The following F13A1 variants were observed in gnomAD, a reference collection of about 807,000 sequenced individuals.
F13A1 encodes coagulation factor XIII A chain.
F13A1 carries 47 observed loss-of-function variants against 80.1 expected under a neutral mutation model. The observed-to-expected ratio is 0.59, with a 90% CI of 0.46 to 0.75. F13A1 has a LOEUF of 0.75. Among genes scored for constraint, F13A1 ranks in the 30% least tolerant of loss-of-function variants. F13A1 has a pLI of 0.00. For synonymous variants in F13A1, 349 were observed against 344.9 expected (o/e 1.01, Z -0.13); for missense variants, 817 against 930.4 (o/e 0.88, Z 1.59).
rs3024327 is a variant in F13A1, at chr6:6,317,640, G to C, written c.130+895C>G. On this transcript the variant is annotated intron_variant, in intron 2 of 14. Transcript: ENST00000264870. The stretch of plus-strand genomic sequence containing the variant: ...GCATCAATCTGGGCTTTCAGGCATT[G>C]GTCTCCTTCTAATGAGGGGAATCGA... 3.1e-3 allele frequency among the ~76,000 whole-genome samples: 470 copies of C among 152,132 alleles called. 2 individuals are homozygous for C. The highest frequency in any genetic ancestry group is 0.01 in the African/African-American group (422 of 41,480).
At chr6:6,308,305 G>A (rs747557109) in intron 2 of F13A1, among the ~76,000 whole-genome samples, 1 of 152,104 alleles carries the variant, frequency 6.6e-6, no homozygotes. Flanking sequence ...TTATAGGCGT[G>A]AGCCATCACA....
intron 6 of F13A1, among the ~76,000 whole-genome samples, chr6:6,229,157 A>G (rs1217756954): frequency 6.6e-6 from 1 of 152,232 alleles, no homozygotes; most frequent in East Asian, 1.9e-4. Flanking sequence ...ACGTCTAGAG[A>G]CAAGAATGAT....
At chr6:6,244,927 T>C (rs1757534552) in intron 6 of F13A1, among the ~76,000 whole-genome samples, 1 of 152,166 alleles carries the variant, frequency 6.6e-6, no homozygotes, top group South Asian at 2.1e-4. Context: ...ACAGATTCGC[T>C]ATGCAGGTGA....
chr6:6,172,963 C>G (rs1402856640), intron 12 of F13A1, among the ~76,000 whole-genome samples: 1 of 152,164 alleles, frequency 6.6e-6, no homozygotes, highest in African/African-American at 2.4e-5. Flanking sequence ...CTTGACCATC[C>G]CAGGGGAGCG....
chr6:6,312,677 C>G (rs962284240), intron 2 of F13A1, among the ~76,000 whole-genome samples: 5 of 149,152 alleles, frequency 3.4e-5, no homozygotes, highest in Non-Finnish European at 3.0e-5. Flanking sequence ...GACTCCGTCT[C>G]AAAACAAAAA....
intron 13 of F13A1, among the ~76,000 whole-genome samples, chr6:6,152,439 G>A (rs1033784897): frequency 6.6e-6 from 1 of 152,180 alleles, no homozygotes; most frequent in South Asian, 2.1e-4. Context: ...TGTTGAACAT[G>A]AAGAGGAACC....
rs559188313 is a variant in F13A1 at position 6,274,426 on chromosome 6, T to C, written c.320-7617A>G. On this transcript the variant is annotated intron_variant, in intron 3 of 14. Coordinates refer to ENST00000264870, the MANE Select transcript of F13A1 (RefSeq NM_000129.4). ...AGAAAGAAATCATAAGGCTGTCACCTGATGCTGACTACCTGGTCCCTGGCT... is the reference window on the plus strand; with the variant it reads ...AGAAAGAAATCATAAGGCTGTCACCCGATGCTGACTACCTGGTCCCTGGCT... Among the ~76,000 whole-genome samples the C allele has an allele frequency of 1.2e-3, 184 of 152,340 alleles. 1 individual carries two copies. The highest frequency in any genetic ancestry group is 4.1e-3 in the African/African-American group (170 of 41,582).
intron 13 of F13A1, among the ~76,000 whole-genome samples, chr6:6,163,293 G>A (rs892869035): frequency 4.1e-4 from 62 of 152,272 alleles, no homozygotes; most frequent in African/African-American, 1.1e-3. Context: ...TTGTGGTTTC[G>A]TACTTTTACT....
rs541596469 is a variant in F13A1 at position 6,145,517 on chromosome 6, C to T, written c.*102G>A. The T allele has an allele frequency of 1.5e-5, 22 of 1,497,166 alleles. No individual in the cohort carries two copies. In the South Asian group the frequency reaches 2.5e-4, roughly 17 times the overall value. 92.7% of individuals were successfully genotyped at this position (1,497,166 alleles called of 1,614,324 possible). ...GAGCCCTCTGCAGTCCTGTCTGGGT[C>T]TTCACACCTAAGTCAAAGCAAGAGC... On this transcript the variant is annotated 3_prime_UTR_variant, in exon 15 of 15. Coordinates refer to ENST00000264870, the MANE Select transcript of F13A1 (RefSeq NM_000129.4).
At chr6:6,277,829 A>G (rs1313079513) in intron 3 of F13A1, among the ~76,000 whole-genome samples, 1 of 152,224 alleles carries the variant, frequency 6.6e-6, no homozygotes, top group Non-Finnish European at 1.5e-5. Context: ...ATGTTTATTC[A>G]GTATGCATAC....
At chr6:6,207,091 A>G (rs1287076773) in intron 8 of F13A1, among the ~76,000 whole-genome samples, 1 of 152,132 alleles carries the variant, frequency 6.6e-6, no homozygotes, top group East Asian at 1.9e-4. Flanking sequence ...TATTCAAGGA[A>G]AAAAACAAAC....
intron 8 of F13A1, among the ~76,000 whole-genome samples, chr6:6,218,487 G>A (rs180707846): frequency 6.6e-6 from 1 of 152,280 alleles, no homozygotes; most frequent in East Asian, 1.9e-4. Context: ...ACAGGCGGCC[G>A]AAATTGCTCC....
At chr6:6,316,489 C>T (rs1271693396) in intron 2 of F13A1, among the ~76,000 whole-genome samples, 1 of 152,038 alleles carries the variant, frequency 6.6e-6, no homozygotes, top group Non-Finnish European at 1.5e-5. Flanking sequence ...TTCAGTTATG[C>T]TGCTCCCCAC....
At chr6:6,206,609 G>C (rs1761493780) in intron 8 of F13A1, 1 of 507,110 alleles carries the variant, frequency 2.0e-6, no homozygotes, top group South Asian at 1.5e-5. Context: ...GTACCTGAGA[G>C]GAACGGGAGG....
intron 3 of F13A1, among the ~76,000 whole-genome samples, chr6:6,299,802 T>G (rs1261326140): frequency 6.7e-6 from 1 of 148,626 alleles, no homozygotes; most frequent in Non-Finnish European, 1.5e-5. Flanking sequence ...GGAACTTCAT[T>G]TCTTTGGAGG....
intron 8 of F13A1, among the ~76,000 whole-genome samples, chr6:6,218,173 A>C (rs1757132151): frequency 6.6e-6 from 1 of 152,162 alleles, no homozygotes; most frequent in Admixed American, 6.5e-5. Flanking sequence ...CCTTTCATTG[A>C]AAAATCTTTC....
chr6:6,145,864 T>C, intron 14 of F13A1, 92 bp from the exon 15 acceptor site: 3 of 1,566,670 alleles, frequency 1.9e-6, no homozygotes, highest in Non-Finnish European at 2.6e-6. Flanking sequence ...GTCACTTGCT[T>C]TCTTTCTCTC....
In F13A1 at chr6:6,250,887, T is replaced by A. The variant is rs3024477; in HGVS notation, c.614A>T (p.Tyr205Phe). ...AATTACCCCGATGTCATTCAGGACA[T>A]ACTCTTCTCTTTCTTTCTCATTGTC... ...YLDNEKEREE[Y>F]VLNDIGVIFY... Residue 205 changes from tyrosine (Y) to phenylalanine (F), a missense_variant, in exon 5 of 15, where the codon TAT becomes TTT. Tyr to Phe is a conservative substitution (Grantham distance 22, BLOSUM62 3). Coordinates refer to ENST00000264870, the MANE Select transcript of F13A1 (RefSeq NM_000129.4). This position sits in a 1 kb window ranked among gnomAD's most constrained non-coding sequence, Gnocchi z 4.2. 40,165 of 1,613,014 alleles carry A rather than the reference T, an allele frequency of 0.025. 609 individuals are homozygous for A. Among genetic ancestry groups the A allele is most frequent in the Non-Finnish European group, 0.03 (34,827 of 1,179,184 alleles).
chr6:6,213,916 T>A, intron 8 of F13A1, among the ~76,000 whole-genome samples: 1 of 94,910 alleles, frequency 1.1e-5, no homozygotes, highest in Non-Finnish European at 2.1e-5. Context: ...CCAACAAAGA[T>A]CAAAAGAGAC....
Sources: gnomAD v4.1 joint callset for allele counts (sites outside exome capture counted in the v4.1 genomes callset) on GRCh38, gnomAD v4.1.1 for gene constraint, Gnocchi (gnomAD v3.1) non-coding constraint, MANE v1.5 for transcripts, NCBI Gene and HGNC (gene_info 2026-07-23, HGNC 2026-07-21) for gene names.